The following CD53 variants were observed in gnomAD, a reference collection of about 807,000 sequenced individuals.
CD53 encodes CD53 molecule, also known as leukocyte surface antigen CD53.
Under a neutral mutation model 27.3 loss-of-function variants are expected in CD53, and 20 were observed. The observed-to-expected ratio is 0.73, with a 90% CI of 0.52 to 1.07. The LOEUF (loss-of-function observed/expected upper bound fraction) is 1.07. CD53 is among the 50% of genes least tolerant of loss of function. CD53 has a pLI of 0.00. For synonymous variants in CD53, 106 were observed against 105.3 expected (o/e 1.01, Z -0.04); for missense variants, 216 against 264.0 (o/e 0.82, Z 1.26).
intron 1 of CD53, among the ~76,000 whole-genome samples, chr1:110,886,865 A>ATT (rs1247400020): frequency 2.3e-5 from 1 of 44,358 alleles, no homozygotes; most frequent in African/African-American, 7.3e-5. Context: ...ATATATATAT[A>ATT]TATATTTTTT....
intron 2 of CD53, 124 bp downstream of exon 2, chr1:110,891,595 C>A (rs1171155204): frequency 1.4e-6 from 1 of 726,600 alleles, no homozygotes; most frequent in Non-Finnish European, 2.4e-6. Context: ...TCCAGCACAA[C>A]CATCCTAGAA....
chr1:110,894,482 G>C (rs533103284), intron 4 of CD53, 81 bp downstream of exon 4: 1 of 1,060,546 alleles, frequency 9.4e-7, no homozygotes, highest in African/African-American at 1.6e-5. Context: ...CAAAGTTACA[G>C]AATAAGTTCT....
At chr1:110,892,224 A>C (rs1271148931) in intron 2 of CD53, 121 bp from the exon 3 acceptor site, 1 of 789,084 alleles carries the variant, frequency 1.3e-6, no homozygotes, top group African/African-American at 1.7e-5. Flanking sequence ...GAAATTGTTC[A>C]TGAGACTCTT....
Position 110,899,136 on chromosome 1 carries a change from T to A in CD53, c.601T>A (p.Ser201Thr). Residue 201 changes from serine to threonine, a missense_variant, in exon 8 of 8, where the codon TCC becomes ACC. Ser to Thr is a moderately conservative substitution (Grantham distance 58). Transcript: ENST00000271324. The part of the protein sequence containing the change: ...CVCVIEVLGM[S>T]FALTLNCQID... ...ACTCTTTTCACAGGTGTTGGGGATG[T>A]CCTTTGCACTGACCCTGAACTGCCA... 2 of 1,613,812 alleles carry A rather than the reference T, an allele frequency of 1.2e-6. No individual in the cohort carries two copies. The highest frequency in any genetic ancestry group is 1.7e-6 in the Non-Finnish European group (2 of 1,179,770).
chr1:110,896,840 G>T (rs1406099595), intron 6 of CD53, 107 bp downstream of exon 6: 7 of 941,442 alleles, frequency 7.4e-6, no homozygotes, highest in Non-Finnish European at 1.1e-5. Flanking sequence ...AGAAACAGGG[G>T]ACCTTGAATA....
Position 110,899,301 on chromosome 1 carries a change from C to A in CD53, c.*106C>A. Reference sequence around the variant, plus strand: ...CACTGCAGGATGATCCTCCTCCCATCCTTTCCCTTTTTAGGTCCCTGTCTT... The same window carrying A: ...CACTGCAGGATGATCCTCCTCCCATACTTTCCCTTTTTAGGTCCCTGTCTT... On this transcript the variant is annotated 3_prime_UTR_variant, in exon 8 of 8. Transcript: ENST00000271324. The A allele has an allele frequency of 1.3e-6, 1 of 781,072 alleles. No homozygotes were observed. Among genetic ancestry groups the A allele is most frequent in the Non-Finnish European group, 2.1e-6 (1 of 468,288 alleles). The allele number at this position is 781,072 out of a possible 1,614,324, so 48.4% of individuals were successfully genotyped here.
intron 1 of CD53, among the ~76,000 whole-genome samples, chr1:110,884,441 C>G (rs1656485266): frequency 6.6e-6 from 1 of 152,066 alleles, no homozygotes; most frequent in South Asian, 2.1e-4. Flanking sequence ...GTATGTTCTG[C>G]TGTTGTGGGG....
chr1:110,894,823 T>A (rs1656994283), intron 4 of CD53, 137 bp from the exon 5 acceptor site: 2 of 673,912 alleles, frequency 3.0e-6, no homozygotes, highest in Non-Finnish European at 5.4e-6. Flanking sequence ...ATAAACACCC[T>A]CCCCTCACCC....
chr1:110,872,709 G>C (rs905563237), upstream of CD53, among the ~76,000 whole-genome samples: 2 of 152,182 alleles, frequency 1.3e-5, no homozygotes, highest in Non-Finnish European at 2.9e-5. Flanking sequence ...TCTTCAGAAA[G>C]ACATTCCAAA....
At chr1:110,892,195 C>T in intron 2 of CD53, 150 bp from the exon 3 acceptor site, 1 of 685,288 alleles carries the variant, frequency 1.5e-6, no homozygotes, top group South Asian at 1.7e-5. Context: ...CCAATGTAAG[C>T]ATGGAAAAGT....
At chr1:110,882,531 A>C (rs1262214322) in intron 1 of CD53, among the ~76,000 whole-genome samples, 1 of 152,058 alleles carries the variant, frequency 6.6e-6, no homozygotes, top group Non-Finnish European at 1.5e-5. Context: ...GTTCTTTATC[A>C]AACTCATTTT....
chr1:110,881,738 G>A (rs1442327681), intron 1 of CD53, among the ~76,000 whole-genome samples: 1 of 152,162 alleles, frequency 6.6e-6, no homozygotes, highest in African/African-American at 2.4e-5. Context: ...GTGTATAAGA[G>A]TTCCAGTTTC....
intron 1 of CD53, among the ~76,000 whole-genome samples, chr1:110,883,268 A>T (rs1290883365): frequency 6.6e-6 from 1 of 152,112 alleles, no homozygotes; most frequent in South Asian, 2.1e-4. Flanking sequence ...CATCAAAAAT[A>T]GATGTTGAAT....
chr1:110,898,080 T>C (rs1334131744), intron 7 of CD53, among the ~76,000 whole-genome samples, 188 bp downstream of exon 7: 1 of 152,172 alleles, frequency 6.6e-6, no homozygotes, highest in Non-Finnish European at 1.5e-5. Context: ...GAAAATGTGC[T>C]ATAAGAACAT....
intron 1 of CD53, among the ~76,000 whole-genome samples, chr1:110,889,048 C>G (rs1056819431): frequency 2.0e-5 from 3 of 152,102 alleles, no homozygotes; most frequent in Non-Finnish European, 2.9e-5. Context: ...CAAAGGGCAA[C>G]AGGAAGGATT....
intron 1 of CD53, among the ~76,000 whole-genome samples, chr1:110,873,792 G>A (rs1656031583): frequency 6.6e-6 from 1 of 152,334 alleles, no homozygotes; most frequent in South Asian, 2.1e-4. Flanking sequence ...GATGTGCTCA[G>A]TAACTGTATT....
chr1:110,888,175 T>C (rs1185840179), intron 1 of CD53, among the ~76,000 whole-genome samples: 2 of 152,232 alleles, frequency 1.3e-5, no homozygotes, highest in Non-Finnish European at 2.9e-5. Context: ...AACCTGAATG[T>C]ATACTTCTGA....
chr1:110,898,832 C>T (rs1020760897), intron 7 of CD53, among the ~76,000 whole-genome samples: 8 of 152,262 alleles, frequency 5.3e-5, no homozygotes, highest in African/African-American at 1.9e-4. Flanking sequence ...GCACAGTGTT[C>T]AGTGAGCAGA....
chr1:110,888,034 G>C (rs1315566110), intron 1 of CD53, among the ~76,000 whole-genome samples: 1 of 152,194 alleles, frequency 6.6e-6, no homozygotes, highest in Non-Finnish European at 1.5e-5. Context: ...AGTAGCAGAT[G>C]TGATGACAAA....
Sources: gnomAD v4.1 joint callset for allele counts (sites outside exome capture counted in the v4.1 genomes callset) on GRCh38, gnomAD v4.1.1 for gene constraint, MANE v1.5 for transcripts, NCBI Gene and HGNC (gene_info 2026-07-23, HGNC 2026-07-21) for gene names.